Variants in BLM observed in about 807,000 individuals in gnomAD.
The protein encoded by BLM is BLM RecQ like helicase.
BLM carries 95 observed loss-of-function variants against 135.3 expected under a neutral mutation model. The observed-to-expected ratio is 0.70, with a 90% confidence interval of 0.59 to 0.83. The LOEUF (loss-of-function observed/expected upper bound fraction) is 0.83. Among genes scored for constraint, BLM ranks in the 40% least tolerant of loss-of-function variants. BLM has a pLI of 0.00. For missense variants in BLM, 1,518 were observed against 1,663.9 expected (o/e 0.91, Z 1.53); for synonymous variants, 520 against 589.2 (o/e 0.88, Z 1.70).
intron 13 of BLM, 85 bp downstream of exon 13, chr15:90,783,013 A>G (rs1896657298): frequency 9.0e-7 from 1 of 1,106,666 alleles, no homozygotes; most frequent in South Asian, 1.3e-5. Flanking sequence ...TGCATATTAA[A>G]CATTCCTTTT....
Position 90,754,832 on chromosome 15 carries a change from C to T in BLM, c.981C>T (p.Thr327=), listed in dbSNP as rs1140119. 4 of 1,613,770 alleles carry T rather than the reference C, an allele frequency of 2.5e-6. No homozygotes were observed. The highest frequency in any genetic ancestry group is 3.4e-6 in the Non-Finnish European group (4 of 1,179,894). ...GCAGTACGTTAAAGGACCTTGACAC[C>T]TCTGACAGAAAAGAGGATGTTCTTA... The part of the protein sequence containing the change: ...KCLSTLKDLD[T]SDRKEDVLST... The change falls in exon 5 of 22, where the codon ACC becomes ACT. Residue 327 remains threonine (T), a synonymous_variant. Transcript: ENST00000355112.
intron 1 of BLM, among the ~76,000 whole-genome samples, chr15:90,731,043 C>T (rs1322015244): frequency 1.3e-5 from 2 of 151,952 alleles, no homozygotes; most frequent in African/African-American, 4.8e-5. Flanking sequence ...TCTCCCAAGT[C>T]ATCCTCCCAT....
chr15:90,721,647 T>G (rs1323138792), intron 1 of BLM, among the ~76,000 whole-genome samples: 1 of 152,024 alleles, frequency 6.6e-6, no homozygotes, highest in Non-Finnish European at 1.5e-5. Flanking sequence ...AAAATATTTT[T>G]ATTGGCCGGG....
chr15:90,784,857 T>C (rs1178895396), intron 13 of BLM, 64 bp from the exon 14 acceptor site: 3 of 1,521,654 alleles, frequency 2.0e-6, no homozygotes, highest in South Asian at 2.3e-5. Context: ...GAAAATGTAG[T>C]GTAAATTGTG....
chr15:90,759,689 C>T (rs1895910088), intron 5 of BLM, among the ~76,000 whole-genome samples: 1 of 151,994 alleles, frequency 6.6e-6, no homozygotes, highest in African/African-American at 2.4e-5. Context: ...TCACTGCAAC[C>T]TCCACCTCCC....
At chr15:90,733,472 A>C (rs1466291409) in intron 1 of BLM, among the ~76,000 whole-genome samples, 1 of 152,234 alleles carries the variant, frequency 6.6e-6, no homozygotes, top group Non-Finnish European at 1.5e-5. Context: ...AATAATCCTA[A>C]TGCTAAATAA....
At chr15:90,729,219 A>G (rs534024604) in intron 1 of BLM, among the ~76,000 whole-genome samples, 2 of 152,254 alleles carry the variant, frequency 1.3e-5, no homozygotes, top group East Asian at 3.9e-4. Flanking sequence ...CTGAGGTAGG[A>G]GAATTGCTTG....
In BLM at chr15:90,794,284, G is replaced by A; in HGVS notation, c.3137G>A (p.Gly1046Asp). 6.2e-7 allele frequency: 1 copy of A among 1,607,074 alleles called. No homozygotes were observed. The highest frequency in any genetic ancestry group is 8.5e-7 in the Non-Finnish European group (1 of 1,176,260). Reference protein sequence around the residue: ...CRRIQLLAYFGENGFNPDFCK... With the variant: ...CRRIQLLAYFDENGFNPDFCK... Reference sequence around the variant, plus strand: ...AGAATACAGCTTTTGGCCTACTTTGGTGAAAATGGATTTAATCCTGATTTT... The same window carrying A: ...AGAATACAGCTTTTGGCCTACTTTGATGAAAATGGATTTAATCCTGATTTT... The change falls in exon 16 of 22, where the codon GGT becomes GAT. Residue 1046 changes from glycine to aspartate, a missense_variant. Coordinates refer to ENST00000355112, the MANE Select transcript of BLM (RefSeq NM_000057.4).
chr15:90,733,042 G>A (rs774643182), intron 1 of BLM, among the ~76,000 whole-genome samples: 7 of 152,074 alleles, frequency 4.6e-5, no homozygotes, highest in Non-Finnish European at 7.4e-5. Flanking sequence ...GCAGTGAGCC[G>A]AGATCGTGCC....
Position 90,760,541 on chromosome 15 carries a change from C to T in BLM, c.1221-53C>T, listed in dbSNP as rs1895943776. The T allele has an allele frequency of 1.4e-5, 22 of 1,524,636 alleles. No individual in the cohort carries two copies. In the East Asian group the frequency reaches 5.0e-4, roughly 34 times the overall value. 94.4% of individuals were successfully genotyped at this position (1,524,636 alleles called of 1,614,324 possible). On this transcript the variant is annotated intron_variant, in intron 6 of 21. Coordinates refer to ENST00000355112, the MANE Select transcript of BLM (RefSeq NM_000057.4). Reference sequence around the variant, plus strand: ...AAAACTACAGATTTGCTTTTGTGGCCTACCAGAGTAAACTACTTATATTTA... The same window carrying T: ...AAAACTACAGATTTGCTTTTGTGGCTTACCAGAGTAAACTACTTATATTTA...
At chr15:90,801,013 A>G (rs940823431) in intron 17 of BLM, among the ~76,000 whole-genome samples, 2 of 151,788 alleles carry the variant, frequency 1.3e-5, no homozygotes, top group Admixed American at 6.6e-5. Context: ...GCCGGGACTG[A>G]TGTTGTGCAC....
chr15:90,814,548 C>T (rs993695298), intron 21 of BLM, among the ~76,000 whole-genome samples: 3 of 152,012 alleles, frequency 2.0e-5, no homozygotes, highest in African/African-American at 7.2e-5. Flanking sequence ...AACAGAAGGC[C>T]GCATCTGCAG....
intron 12 of BLM, among the ~76,000 whole-genome samples, chr15:90,776,054 G>A (rs921007755): frequency 3.3e-5 from 5 of 152,086 alleles, no homozygotes; most frequent in African/African-American, 1.2e-4. Context: ...TTATTTTTAT[G>A]GATGTAAGCA....
intron 1 of BLM, among the ~76,000 whole-genome samples, chr15:90,719,560 A>C (rs1201385697): frequency 6.6e-6 from 1 of 152,030 alleles, no homozygotes; most frequent in East Asian, 1.9e-4. Flanking sequence ...GCACCACTGC[A>C]CTCCAGCCTG....
chr15:90,751,889 T>C lies in BLM; in HGVS notation c.902T>C (p.Val301Ala). The C allele has an allele frequency of 6.2e-7, 1 of 1,613,394 alleles. No individual in the cohort carries two copies. The change falls in exon 4 of 22, where the codon GTT becomes GCT. Residue 301 changes from valine (V) to alanine (A), a missense_variant. Around this residue, in one of 5 missense-constraint regions of BLM, gnomAD observed 724 missense variants for 756.9 expected, o/e 0.96. Transcript: ENST00000355112. ...FDDDDYDTDF[V>A]PPSPEEIISA... ...GATGATGATTATGATACGGATTTTG[T>C]TCCACCTTCTCCAGAAGAAATTATT...
intron 12 of BLM, among the ~76,000 whole-genome samples, chr15:90,770,427 T>C (rs200916665): frequency 2.0e-5 from 3 of 152,104 alleles, no homozygotes; most frequent in Admixed American, 2.0e-4. Flanking sequence ...CCGCCCGCCT[T>C]GGCCTCCCAA....
Position 90,737,940 on chromosome 15 carries a change from A to G in BLM, c.-4-9449A>G, listed in dbSNP as rs547102782. 5.8e-4 allele frequency among the ~76,000 whole-genome samples: 88 copies of G among 152,334 alleles called. 1 individual carries two copies. The highest frequency in any genetic ancestry group is 2.0e-3 in the African/African-American group (85 of 41,590). The stretch of plus-strand genomic sequence containing the variant: ...TAGCCAGATGGACTAAGAAAAAATA[A>G]GACAAATTACTAAAATCAGAAGTGA... On this transcript the variant is annotated intron_variant, in intron 1 of 21. Coordinates refer to ENST00000355112, the MANE Select transcript of BLM (RefSeq NM_000057.4).
At chr15:90,792,605 G>T (rs1896933139) in intron 15 of BLM, among the ~76,000 whole-genome samples, 1 of 152,138 alleles carries the variant, frequency 6.6e-6, no homozygotes, top group Non-Finnish European at 1.5e-5. Flanking sequence ...GATATGGCAG[G>T]AGCAATAAGA....
chr15:90,795,807 T>G (rs1897015956), intron 16 of BLM, among the ~76,000 whole-genome samples: 1 of 152,186 alleles, frequency 6.6e-6, no homozygotes, highest in Non-Finnish European at 1.5e-5. Context: ...CTGTGGTGAA[T>G]GGCACAGCAG....
Sources: gnomAD v4.1 joint callset for allele counts (sites outside exome capture counted in the v4.1 genomes callset) on GRCh38, gnomAD v4.1.1 for gene constraint, gnomAD v4.1.1 regional missense constraint, MANE v1.5 for transcripts, NCBI Gene and HGNC (gene_info 2026-07-23, HGNC 2026-07-21) for gene names.